Variants in ACER3 observed in about 807,000 individuals in gnomAD.
The protein encoded by ACER3 is alkCDase 3.
A neutral mutation model predicts 48.9 loss-of-function variants in ACER3; 16 were observed. The ratio of observed to expected loss-of-function variants is 0.33; its 90% CI spans 0.22 to 0.50. The LOEUF is 0.50. Ranked by LOEUF, ACER3 falls within the 20% of genes least tolerant of loss-of-function variation. ACER3 has a pLI of 0.98. For synonymous variants in ACER3, 109 were observed against 107.8 expected (o/e 1.01, Z -0.07); for missense variants, 227 against 326.0 (o/e 0.70, Z 2.34).
intron 7 of ACER3, among the ~76,000 whole-genome samples, 157 bp from the exon 8 acceptor site, chr11:77,014,859 A>T (rs992064568): frequency 1.3e-5 from 2 of 152,214 alleles, no homozygotes; most frequent in Non-Finnish European, 2.9e-5. Context: ...GCTGGAATGT[A>T]CAATGATCAC....
chr11:76,969,175 C>T (rs1948224410), intron 3 of ACER3, among the ~76,000 whole-genome samples: 1 of 151,806 alleles, frequency 6.6e-6, no homozygotes, highest in African/African-American at 2.4e-5. Flanking sequence ...TTTATGCAGC[C>T]AAAAAAACAC....
At chr11:76,964,106 C>T (rs543623149) in intron 3 of ACER3, among the ~76,000 whole-genome samples, 1 of 151,648 alleles carries the variant, frequency 6.6e-6, no homozygotes, top group East Asian at 1.9e-4. Context: ...AATCAGGTCA[C>T]TCCCACCCTA....
chr11:76,910,941 A>G (rs1055797862), intron 1 of ACER3, among the ~76,000 whole-genome samples: 1 of 152,186 alleles, frequency 6.6e-6, no homozygotes, highest in Non-Finnish European at 1.5e-5. Flanking sequence ...ACATGGATGA[A>G]TACTTACGTG....
chr11:76,903,652 T>C (rs186701975), intron 1 of ACER3, among the ~76,000 whole-genome samples: 7 of 152,174 alleles, frequency 4.6e-5, no homozygotes, highest in Admixed American at 4.6e-4. Flanking sequence ...CCAGATTCTT[T>C]TTGCAATAAG....
At chr11:76,962,768 GTGGGGTT>G (rs1948030560) in intron 3 of ACER3, among the ~76,000 whole-genome samples, 1 of 151,502 alleles carries the variant, frequency 6.6e-6, no homozygotes, top group Non-Finnish European at 1.5e-5. Flanking sequence ...GTGTCATGCA[GTGGGGTT>G]TGGGGCTGCT....
Position 77,026,661 on chromosome 11 carries a change from T to C in ACER3, c.*6334T>C, listed in dbSNP as rs1949553428. On this transcript the variant is annotated 3_prime_UTR_variant, in exon 11 of 11. Transcript: ENST00000532485. ...TATTCACTTTTTCCATTTGATTTGC[T>C]AATGCCACAATCATTTTTCTAGAAA... is the stretch of plus-strand genomic sequence containing the variant. The C allele has an allele frequency of 6.6e-6, 1 of 152,252 alleles. No homozygotes were observed. The highest frequency in any genetic ancestry group is 2.4e-5 in the African/African-American group (1 of 41,462). The allele number at this position is 152,252 out of a possible 1,614,324, so 9.4% of individuals were successfully genotyped here.
At chr11:76,961,868 C>T (rs1388896588) in intron 3 of ACER3, among the ~76,000 whole-genome samples, 1 of 148,910 alleles carries the variant, frequency 6.7e-6, no homozygotes, top group African/African-American at 2.6e-5. Flanking sequence ...TACATAGTTT[C>T]AAAGTACCTT....
At chr11:76,961,212 C>T (rs978810677) in intron 3 of ACER3, among the ~76,000 whole-genome samples, 1 of 151,954 alleles carries the variant, frequency 6.6e-6, no homozygotes, top group Non-Finnish European at 1.5e-5. Flanking sequence ...GAACAAAAGT[C>T]GCAAATACGG....
chr11:76,959,714 G>A (rs1025507007), intron 3 of ACER3, among the ~76,000 whole-genome samples: 3 of 151,786 alleles, frequency 2.0e-5, no homozygotes, highest in Non-Finnish European at 4.4e-5. Context: ...CACCAAGCCC[G>A]GCTAATTTTT....
At chr11:76,893,649 T>C (rs7925805) in intron 1 of ACER3, among the ~76,000 whole-genome samples, 3,239 of 152,150 alleles carry the variant, frequency 0.021, 118 homozygotes, top group African/African-American at 0.074. Context: ...CGAGATCCTA[T>C]CTCAAAAAAC....
chr11:76,905,992 T>C (rs1946220488), intron 1 of ACER3, among the ~76,000 whole-genome samples: 1 of 152,214 alleles, frequency 6.6e-6, no homozygotes, highest in Non-Finnish European at 1.5e-5. Flanking sequence ...TGAAACTGCC[T>C]TTGCAAAGAT....
chr11:77,015,830 A>G (rs2135326315), intron 8 of ACER3, among the ~76,000 whole-genome samples: 1 of 152,330 alleles, frequency 6.6e-6, no homozygotes, highest in Middle Eastern at 3.4e-3. Context: ...AGGCACAGCC[A>G]GGCGTGGTGA....
chr11:76,964,128 T>C (rs1948073416), intron 3 of ACER3, among the ~76,000 whole-genome samples: 1 of 151,418 alleles, frequency 6.6e-6, no homozygotes, highest in Non-Finnish European at 1.5e-5. Context: ...TACTGCACTT[T>C]CCCAATGGGC....
chr11:76,888,692 G>C (rs1945735775), intron 1 of ACER3, among the ~76,000 whole-genome samples: 1 of 151,314 alleles, frequency 6.6e-6, no homozygotes, highest in African/African-American at 2.4e-5. Flanking sequence ...CCACAACATA[G>C]TAGCTTGCTT....
chr11:76,971,893 T>C (rs1948316257), intron 3 of ACER3, among the ~76,000 whole-genome samples: 1 of 152,074 alleles, frequency 6.6e-6, no homozygotes, highest in South Asian at 2.1e-4. Flanking sequence ...TAATCTTTCC[T>C]AGATCCAGAT....
chr11:76,975,874 CTTTTTTTTTTTTTTTT>C (rs34786738), intron 3 of ACER3, among the ~76,000 whole-genome samples: 1 of 82,772 alleles, frequency 1.2e-5, no homozygotes, highest in South Asian at 4.3e-4. Flanking sequence ...TTTTTCTTTT[CTTTTTTTTTTTTTTTT>C]TTTTTTTGAG....
intron 1 of ACER3, among the ~76,000 whole-genome samples, chr11:76,913,876 G>A (rs1260946664): frequency 3.3e-5 from 5 of 152,098 alleles, no homozygotes; most frequent in Non-Finnish European, 7.4e-5. Flanking sequence ...ATAGAACAGA[G>A]CCCCCAGAAA....
chr11:76,881,684 G>GCA (rs1388390980), intron 1 of ACER3, among the ~76,000 whole-genome samples: 1 of 151,950 alleles, frequency 6.6e-6, no homozygotes, highest in Non-Finnish European at 1.5e-5. Flanking sequence ...CCAAATATCA[G>GCA]CATATTAAAA....
chr11:76,879,031 G>A (rs918970631), intron 1 of ACER3, among the ~76,000 whole-genome samples: 16 of 152,034 alleles, frequency 1.1e-4, no homozygotes, highest in Non-Finnish European at 5.9e-5. Flanking sequence ...TTATCATTGA[G>A]TAATAGGGGC....
Sources: allele counts gnomAD v4.1 joint callset (sites outside exome capture counted in the v4.1 genomes callset), GRCh38; gene constraint gnomAD v4.1.1; transcripts MANE v1.5; gene names NCBI Gene and HGNC (gene_info 2026-07-23, HGNC 2026-07-21).